Variants in ATP9A observed in about 807,000 individuals in gnomAD.
ATP9A encodes the protein ATPase phospholipid transporting 9A, also known as probable phospholipid-transporting ATPase IIA.
ATP9A carries 52 observed loss-of-function variants against 144.1 expected under a neutral mutation model. The ratio of observed to expected loss-of-function variants is 0.36; its 90% confidence interval spans 0.29 to 0.45. The LOEUF (loss-of-function observed/expected upper bound fraction) is 0.45. Among genes scored for constraint, ATP9A ranks in the 20% least tolerant of loss-of-function variants. ATP9A has a pLI of 1.00. For missense variants in ATP9A, 947 were observed against 1,392.7 expected, an observed-to-expected ratio of 0.68 and a Z score of 5.09; for synonymous variants, 582 against 557.4, an observed-to-expected ratio of 1.04 and a Z score of -0.62.
intron 22 of ATP9A, among the ~76,000 whole-genome samples, chr20:51,614,428 G>C (rs1332296797): frequency 6.6e-5 from 10 of 151,914 alleles, no homozygotes; most frequent in Non-Finnish European, 2.9e-5. Flanking sequence ...AGCCTCCTGA[G>C]CAGCTGGGAG....
At chr20:51,686,046 A>G (rs1263529031) in intron 9 of ATP9A, among the ~76,000 whole-genome samples, 1 of 152,200 alleles carries the variant, frequency 6.6e-6, no homozygotes, top group African/African-American at 2.4e-5. Context: ...ATAAAAAAGG[A>G]TGAGTTCATG....
rs557028535 is a variant in ATP9A, at chr20:51,601,010, C to T, written c.*201G>A. On this transcript the variant is annotated 3_prime_UTR_variant, in exon 28 of 28. Coordinates refer to ENST00000338821, the MANE Select transcript of ATP9A (RefSeq NM_006045.3). ...ATGAAGAACGAGGGGTTCAGACAGG[C>T]CCAGATGGGTCTCTTTCAGGACCCT... 40 of 512,016 alleles carry T rather than the reference C, an allele frequency of 7.8e-5. No homozygotes were observed. Among genetic ancestry groups the T allele is most frequent in the Middle Eastern group, 5.4e-4 (1 of 1,840 alleles). 31.7% of individuals were successfully genotyped at this position (512,016 alleles called of 1,614,324 possible). A position where few individuals can be genotyped will look rare whatever the true frequency, so the allele number is the denominator to read the frequency against.
In ATP9A at chr20:51,600,819, C is replaced by T. The variant is rs1351183912; in HGVS notation, c.*392G>A. 6.1e-6 allele frequency: 1 copy of T among 163,724 alleles called. No homozygotes were observed. The highest frequency in any genetic ancestry group is 1.7e-4 in the East Asian group (1 of 5,778). The allele number at this position is 163,724 out of a possible 1,614,324, so 10.1% of individuals were successfully genotyped here. A position where few individuals can be genotyped will look rare whatever the true frequency, so the allele number is the denominator to read the frequency against. ...AGGACTCTTTAAAAACACACACACA[C>T]ACACACACACACACACACACACACA... On this transcript the variant is annotated 3_prime_UTR_variant, in exon 28 of 28. Transcript: ENST00000338821.
intron 13 of ATP9A, 97 bp downstream of exon 13, chr20:51,669,900 T>C: frequency 1.2e-6 from 1 of 832,866 alleles, no homozygotes; most frequent in East Asian, 2.5e-5. Flanking sequence ...ACTCTTGAAA[T>C]GGGTGAATTG....
chr20:51,719,104 G>T (rs577614249), intron 3 of ATP9A, among the ~76,000 whole-genome samples: 1 of 151,826 alleles, frequency 6.6e-6, no homozygotes, highest in South Asian at 2.1e-4. Flanking sequence ...TTCCAGCCTG[G>T]GCGACAGAGT....
chr20:51,753,102 C>T (rs77875473), intron 1 of ATP9A, among the ~76,000 whole-genome samples: 3 of 125,472 alleles, frequency 2.4e-5, no homozygotes, highest in Admixed American at 1.7e-4. Context: ...GACTCTGTCT[C>T]AAAAAAAAAA....
chr20:51,702,403 T>TGTGTGTGTGTGC (rs1491554737), intron 4 of ATP9A, among the ~76,000 whole-genome samples: 1 of 147,268 alleles, frequency 6.8e-6, no homozygotes, highest in East Asian at 2.0e-4. Context: ...TGTGTGTGTG[T>TGTGTGTGTGTGC]GCATGTAATG....
intron 14 of ATP9A, among the ~76,000 whole-genome samples, chr20:51,642,843 C>T (rs2077326635): frequency 6.6e-6 from 1 of 151,634 alleles, no homozygotes; most frequent in Non-Finnish European, 1.5e-5. Context: ...ATGCAGCTCT[C>T]CACCCCTAGT....
At position 51,677,036 on chromosome 20, in the gene ATP9A, C is replaced by G. The variant is rs1014862713; in HGVS notation, c.800-828G>C. Among the ~76,000 whole-genome samples, 3 of 149,942 alleles carry G rather than the reference C, an allele frequency of 2.0e-5. No individual in the cohort carries two copies. The Admixed American group carries it at 2.0e-4, about 10-fold the overall frequency. On this transcript the variant is annotated intron_variant, in intron 9 of 27. Coordinates refer to ENST00000338821, the MANE Select transcript of ATP9A (RefSeq NM_006045.3). ...GCAGCCTCAACATCCTGGGCTCAAG[C>G]GATCCTCCCACTTCAGCCTCCCGAG... is the stretch of plus-strand genomic sequence containing the variant.
chr20:51,767,236 C>A (rs899391326), intron 1 of ATP9A, among the ~76,000 whole-genome samples: 6 of 152,116 alleles, frequency 3.9e-5, no homozygotes, highest in Non-Finnish European at 7.4e-5. Context: ...CGGAGCAGAG[C>A]GGCCGCAGGC....
chr20:51,684,826 A>C (rs147387816), intron 9 of ATP9A, among the ~76,000 whole-genome samples: 3,473 of 151,368 alleles, frequency 0.023, 76 homozygotes, highest in African/African-American at 0.056. Context: ...CTGGCTAACA[A>C]GGTGAAACCC....
intron 1 of ATP9A, among the ~76,000 whole-genome samples, chr20:51,748,949 A>AGATAGACC (rs1335621173): frequency 2.1e-5 from 1 of 47,702 alleles, no homozygotes; most frequent in Non-Finnish European, 4.7e-5. Flanking sequence ...ATAGATAGAT[A>AGATAGACC]GACAGACAGA....
Position 51,644,430 on chromosome 20 carries a change from A to ATT in ATP9A, c.1507-4928_1507-4927dup, listed in dbSNP as rs770845700. 4.6e-4 allele frequency among the ~76,000 whole-genome samples: 66 copies of ATT among 142,528 alleles called. 1 individual carries two copies. The highest frequency in any genetic ancestry group is 1.5e-3 in the African/African-American group (60 of 39,150). The allele number at this position is 142,528 out of a possible 152,430, so 93.5% of individuals were successfully genotyped here. A position where few individuals can be genotyped will look rare whatever the true frequency, so the allele number is the denominator to read the frequency against. ...TGGTGCCCGCCACCACACCCGGCTA[A>ATT]TTTTTTTTTTTTTTGTATTTTTAGT... On this transcript the variant is annotated intron_variant, in intron 14 of 27. Transcript: ENST00000338821.
chr20:51,720,872 A>T (rs1334576900), intron 3 of ATP9A, among the ~76,000 whole-genome samples: 1 of 152,102 alleles, frequency 6.6e-6, no homozygotes, highest in Non-Finnish European at 1.5e-5. Context: ...TGATGATCAC[A>T]ATATCAGTGC....
intron 3 of ATP9A, among the ~76,000 whole-genome samples, chr20:51,717,123 G>T (rs974565208): frequency 3.6e-4 from 50 of 140,784 alleles, no homozygotes; most frequent in African/African-American, 1.3e-3. Flanking sequence ...AGTGAGCTGA[G>T]ATCTCACCAC....
At chr20:51,753,019 T>A (rs2077839126) in intron 1 of ATP9A, among the ~76,000 whole-genome samples, 1 of 151,494 alleles carries the variant, frequency 6.6e-6, no homozygotes, top group African/African-American at 2.4e-5. Context: ...GGACAATCAC[T>A]TGAACCTGGG....
intron 14 of ATP9A, among the ~76,000 whole-genome samples, chr20:51,654,693 G>A (rs996541577): frequency 4.6e-5 from 7 of 151,934 alleles, no homozygotes; most frequent in African/African-American, 1.7e-4. Flanking sequence ...CCTATCAAGA[G>A]CCGCTGCACT....
At chr20:51,698,413 T>C (rs1388391755) in intron 4 of ATP9A, among the ~76,000 whole-genome samples, 3 of 152,112 alleles carry the variant, frequency 2.0e-5, no homozygotes, top group African/African-American at 7.2e-5. Flanking sequence ...GTCCCGGCTA[T>C]TCGAGAGGCT....
intron 9 of ATP9A, among the ~76,000 whole-genome samples, chr20:51,687,586 A>G (rs1337460477): frequency 6.6e-6 from 1 of 151,988 alleles, no homozygotes; most frequent in Non-Finnish European, 1.5e-5. Context: ...CAAGAGTGAG[A>G]CCCCCATCTC....
Sources: allele counts gnomAD v4.1 joint callset (sites outside exome capture counted in the v4.1 genomes callset), GRCh38; gene constraint gnomAD v4.1.1; transcripts MANE v1.5; gene names NCBI Gene and HGNC (gene_info 2026-07-23, HGNC 2026-07-21).